The following COL26A1 variants were observed in gnomAD, a reference collection of about 807,000 sequenced individuals.
COL26A1 encodes collagen alpha-1(XXVI) chain.
In COL26A1, 41 loss-of-function variants were observed where a neutral mutation model predicts 59.3. The observed-to-expected ratio is 0.69, with a 90% CI of 0.54 to 0.90. COL26A1 has a LOEUF of 0.90. COL26A1 is among the 40% of genes least tolerant of loss of function. COL26A1 has a pLI of 0.00. For synonymous variants in COL26A1, 266 were observed against 256.0 expected (o/e 1.04, Z -0.37); for missense variants, 612 against 602.3 (o/e 1.02, Z -0.17).
At chr7:101,401,707 A>G (rs1188927563) in intron 1 of COL26A1, among the ~76,000 whole-genome samples, 2 of 148,590 alleles carry the variant, frequency 1.3e-5, no homozygotes, top group Non-Finnish European at 3.0e-5. Context: ...GAAGAGTAGG[A>G]GGTAGAGGAA....
intron 3 of COL26A1, among the ~76,000 whole-genome samples, chr7:101,504,481 T>A (rs765916255): frequency 6.6e-6 from 1 of 152,176 alleles, no homozygotes; most frequent in Non-Finnish European, 1.5e-5. Context: ...CCCCTGTCTA[T>A]GCTCGCCTGA....
intron 3 of COL26A1, among the ~76,000 whole-genome samples, chr7:101,469,762 T>C (rs1793850200): frequency 6.6e-6 from 1 of 152,064 alleles, no homozygotes; most frequent in Non-Finnish European, 1.5e-5. Context: ...AGTGATGGGA[T>C]TACAGGCGTG....
At chr7:101,379,418 T>A (rs1024909309) in intron 1 of COL26A1, among the ~76,000 whole-genome samples, 1 of 152,198 alleles carries the variant, frequency 6.6e-6, no homozygotes, top group African/African-American at 2.4e-5. Context: ...GGAGAAGACC[T>A]GGCTGTGCTC....
intron 3 of COL26A1, among the ~76,000 whole-genome samples, chr7:101,468,429 G>A (rs1254235741): frequency 2.6e-5 from 4 of 152,160 alleles, no homozygotes; most frequent in South Asian, 2.1e-4. Context: ...CACTTTGTAA[G>A]TGACCTGCCC....
intron 1 of COL26A1, among the ~76,000 whole-genome samples, chr7:101,369,823 C>T (rs1403684526): frequency 1.3e-5 from 2 of 151,966 alleles, no homozygotes; most frequent in African/African-American, 4.8e-5. Context: ...TCAGCAGTTT[C>T]TTCTTGGGGT....
intron 3 of COL26A1, among the ~76,000 whole-genome samples, chr7:101,472,548 T>G (rs144575325): frequency 2.0e-5 from 3 of 152,102 alleles, no homozygotes; most frequent in African/African-American, 4.8e-5. Flanking sequence ...CATTCCGCCA[T>G]GGAGGGGTTG....
chr7:101,484,819 T>A (rs183489230), intron 3 of COL26A1, among the ~76,000 whole-genome samples: 1 of 150,330 alleles, frequency 6.7e-6, no homozygotes, highest in East Asian at 2.0e-4. Context: ...TGTGCCACCA[T>A]GCCTGGCTAA....
chr7:101,515,034 G>A (rs1795000959), intron 3 of COL26A1, among the ~76,000 whole-genome samples: 1 of 152,206 alleles, frequency 6.6e-6, no homozygotes, highest in Non-Finnish European at 1.5e-5. Context: ...GTCCAGCTGG[G>A]CTCCCAGAAG....
intron 10 of COL26A1, 100 bp downstream of exon 10, chr7:101,551,243 C>T (rs1219991472): frequency 1.9e-6 from 2 of 1,073,344 alleles, no homozygotes; most frequent in Non-Finnish European, 1.4e-6. Context: ...GGGGGTTCAG[C>T]CCTGGGTGGC....
chr7:101,376,016 C>T (rs1309847616), intron 1 of COL26A1, among the ~76,000 whole-genome samples: 1 of 147,304 alleles, frequency 6.8e-6, no homozygotes, highest in African/African-American at 2.5e-5. Context: ...AGAAAATTAG[C>T]CAGGCACGGT....
At chr7:101,496,131 C>T (rs13223538) in intron 3 of COL26A1, among the ~76,000 whole-genome samples, 19,520 of 152,138 alleles carry the variant, frequency 0.13, 1,289 homozygotes, top group African/African-American at 0.13. Context: ...TGGCCCAGTT[C>T]CCAGCAGCCC....
rs796258047 is a variant in COL26A1 at position 101,530,548 on chromosome 7, A to G, written c.386-2534A>G. On this transcript the variant is annotated intron_variant, in intron 3 of 12. Transcript: ENST00000313669. Reference sequence around the variant, plus strand: ...TCACTGTACTCCAGCCTGGGTGACAAGAGTGAGACTCTGTCTTTAAAAAAA... The same window carrying G: ...TCACTGTACTCCAGCCTGGGTGACAGGAGTGAGACTCTGTCTTTAAAAAAA... Among the ~76,000 whole-genome samples, 28 of 140,852 alleles carry G rather than the reference A, an allele frequency of 2.0e-4. 1 individual carries two copies. Among genetic ancestry groups the G allele is most frequent in the African/African-American group, 7.1e-4 (26 of 36,610 alleles). 92.4% of individuals were successfully genotyped at this position (140,852 alleles called of 152,430 possible). A position where few individuals can be genotyped will look rare whatever the true frequency, so the allele number is the denominator to read the frequency against.
At chr7:101,551,184 G>T (rs1251608664) in intron 10 of COL26A1, 41 bp downstream of exon 10, 3 of 1,402,256 alleles carry the variant, frequency 2.1e-6, no homozygotes, top group Non-Finnish European at 2.9e-6. Flanking sequence ...CCACTCCCAG[G>T]CAGAGGCTCT....
intron 1 of COL26A1, among the ~76,000 whole-genome samples, chr7:101,407,626 G>A (rs999969141): frequency 2.6e-5 from 4 of 151,894 alleles, no homozygotes; most frequent in Admixed American, 2.0e-4. Flanking sequence ...AGTGAGGTAG[G>A]AGATGGGATT....
intron 2 of COL26A1, among the ~76,000 whole-genome samples, chr7:101,434,751 C>A (rs565060608): frequency 6.6e-6 from 1 of 152,256 alleles, no homozygotes; most frequent in African/African-American, 2.4e-5. Context: ...GTTGGGTGTA[C>A]TGGGGACAGT....
chr7:101,539,804 T>A, intron 4 of COL26A1, 89 bp from the exon 5 acceptor site: 1 of 1,329,078 alleles, frequency 7.5e-7, no homozygotes, highest in Non-Finnish European at 1.0e-6. Context: ...GCAGGTCTCA[T>A]GGGGTGCACA....
intron 3 of COL26A1, among the ~76,000 whole-genome samples, chr7:101,530,566 T>TAAAAAAA (rs558473831): frequency 2.2e-5 from 2 of 90,232 alleles, no homozygotes; most frequent in Non-Finnish European, 2.1e-5. Flanking sequence ...ACTCTGTCTT[T>TAAAAAAA]AAAAAAAAAA....
chr7:101,407,110 T>C (rs1476222272), intron 1 of COL26A1, among the ~76,000 whole-genome samples: 2 of 152,116 alleles, frequency 1.3e-5, no homozygotes, highest in African/African-American at 4.8e-5. Flanking sequence ...GGGTATCTAC[T>C]CCACCCACTG....
At chr7:101,459,752 T>A (rs1793566154) in intron 3 of COL26A1, among the ~76,000 whole-genome samples, 1 of 152,150 alleles carries the variant, frequency 6.6e-6, no homozygotes, top group South Asian at 2.1e-4. Context: ...TTACTCTTTT[T>A]TTCTGTATTC....
Sources: allele counts gnomAD v4.1 joint callset (sites outside exome capture counted in the v4.1 genomes callset), GRCh38; gene constraint gnomAD v4.1.1; transcripts MANE v1.5; gene names NCBI Gene and HGNC (gene_info 2026-07-23, HGNC 2026-07-21).